DLG2: variants seen among roughly 807,000 people sequenced by gnomAD.
DLG2 encodes the protein disks large homolog 2.
DLG2 carries 45 observed loss-of-function variants against 132.5 expected under a neutral mutation model. The ratio of observed to expected loss-of-function variants is 0.34; its 90% confidence interval spans 0.27 to 0.44. The LOEUF (loss-of-function observed/expected upper bound fraction) is 0.44. Among genes scored for constraint, DLG2 ranks in the 20% least tolerant of loss-of-function variants. DLG2 has a pLI of 1.00. For synonymous variants in DLG2, 424 were observed against 419.6 expected (o/e 1.01, Z -0.13); for missense variants, 1,045 against 1,196.9 (o/e 0.87, Z 1.87).
chr11:84,999,070 C>A (rs2057967135), intron 6 of DLG2, among the ~76,000 whole-genome samples: 2 of 151,860 alleles, frequency 1.3e-5, no homozygotes, highest in South Asian at 4.1e-4. Flanking sequence ...ATCTTGGATT[C>A]ACTATACCTT....
intron 6 of DLG2, among the ~76,000 whole-genome samples, chr11:84,797,075 G>C (rs1012580954): frequency 6.6e-6 from 1 of 152,066 alleles, no homozygotes; most frequent in Non-Finnish European, 1.5e-5. Flanking sequence ...TAGCACTCCT[G>C]ACCTCAGGTG....
intron 4 of DLG2, among the ~76,000 whole-genome samples, chr11:85,277,172 GAAGATC>G (rs2077943500): frequency 6.6e-6 from 1 of 152,114 alleles, no homozygotes; most frequent in Admixed American, 6.6e-5. Context: ...TGTAAAAAAT[GAAGATC>G]AATAAATAGT....
chr11:83,850,151 TGTGTG>T (rs2059429663), intron 16 of DLG2, among the ~76,000 whole-genome samples: 1 of 134,298 alleles, frequency 7.4e-6, no homozygotes, highest in African/African-American at 3.3e-5. Flanking sequence ...TGTGTGTGTG[TGTGTG>T]TGTGTTTTTT....
At chr11:83,822,130 C>T (rs2051007012) in intron 17 of DLG2, among the ~76,000 whole-genome samples, 1 of 152,128 alleles carries the variant, frequency 6.6e-6, no homozygotes, top group Non-Finnish European at 1.5e-5. Flanking sequence ...CTGGTCTTAA[C>T]CAAATTATTT....
rs1382276172 is a variant in DLG2 at position 84,161,830 on chromosome 11, A to G, written c.624+1631T>C. Among the ~76,000 whole-genome samples the G allele has an allele frequency of 2.0e-5, 3 of 152,266 alleles. No homozygotes were observed. The East Asian group carries it at 5.8e-4, about 29-fold the overall frequency. ...ATAGCTTGTCTTGGAGAGAAACTTA[A>G]TGATTCAGGAGAAATGTGTTTTTTT... On this transcript the variant is annotated intron_variant, in intron 9 of 27. Coordinates refer to ENST00000376104, the MANE Select transcript of DLG2 (RefSeq NM_001142699.3).
chr11:84,350,794 T>G (rs754018971), intron 7 of DLG2, among the ~76,000 whole-genome samples: 1 of 152,228 alleles, frequency 6.6e-6, no homozygotes, highest in Non-Finnish European at 1.5e-5. Context: ...AAAATTTGGC[T>G]GAACAAATGG....
intron 6 of DLG2, among the ~76,000 whole-genome samples, chr11:85,008,286 T>C (rs2058872619): frequency 6.6e-6 from 1 of 152,156 alleles, no homozygotes; most frequent in Admixed American, 6.5e-5. Flanking sequence ...AATAAAAATA[T>C]GATATAATAA....
At chr11:84,452,374 T>C (rs191782539) in intron 7 of DLG2, among the ~76,000 whole-genome samples, 1 of 151,810 alleles carries the variant, frequency 6.6e-6, no homozygotes. Flanking sequence ...TGGCTTTTGC[T>C]ATGAATGAGA....
intron 3 of DLG2, among the ~76,000 whole-genome samples, chr11:85,375,934 G>A (rs1430095549): frequency 6.6e-6 from 1 of 152,114 alleles, no homozygotes; most frequent in African/African-American, 2.4e-5. Context: ...AGTAAACACA[G>A]GATGCCACAT....
chr11:84,558,135 T>A (rs546039740), intron 6 of DLG2, among the ~76,000 whole-genome samples: 2 of 152,318 alleles, frequency 1.3e-5, no homozygotes, highest in Non-Finnish European at 2.9e-5. Context: ...TATTCATTAA[T>A]ATTTATTCTA....
intron 18 of DLG2, among the ~76,000 whole-genome samples, chr11:83,710,285 C>T (rs1202266873): frequency 6.6e-6 from 1 of 152,010 alleles, no homozygotes; most frequent in African/African-American, 2.4e-5. Context: ...GCCTCAGCCT[C>T]CCAAGTAGCT....
At chr11:84,828,502 TAAAAG>T (rs1034750404) in intron 6 of DLG2, among the ~76,000 whole-genome samples, 2 of 151,662 alleles carry the variant, frequency 1.3e-5, no homozygotes, top group South Asian at 2.1e-4. Flanking sequence ...TAAGTAAAAA[TAAAAG>T]AAAAGAGCAC....
At chr11:83,890,100 T>C (rs2154084822) in intron 15 of DLG2, among the ~76,000 whole-genome samples, 1 of 151,914 alleles carries the variant, frequency 6.6e-6, no homozygotes, top group South Asian at 2.1e-4. Flanking sequence ...CCCTAAAACT[T>C]AAAGTACAAT....
intron 6 of DLG2, among the ~76,000 whole-genome samples, chr11:84,973,413 A>G (rs2054387423): frequency 6.6e-6 from 1 of 152,128 alleles, no homozygotes; most frequent in South Asian, 2.1e-4. Flanking sequence ...CGTGAAATGT[A>G]CCTTCTGGAG....
intron 7 of DLG2, among the ~76,000 whole-genome samples, chr11:84,477,926 T>A (rs527616789): frequency 6.6e-6 from 1 of 152,196 alleles, no homozygotes; most frequent in Admixed American, 6.6e-5. Context: ...CAATTTTATG[T>A]GTATTACATG....
intron 3 of DLG2, among the ~76,000 whole-genome samples, chr11:85,417,450 T>C (rs925099762): frequency 2.0e-5 from 3 of 152,222 alleles, no homozygotes; most frequent in African/African-American, 7.2e-5. Flanking sequence ...AGGATGATGC[T>C]GGCCTCATCA....
At chr11:84,694,212 G>C (rs1242968376) in intron 6 of DLG2, among the ~76,000 whole-genome samples, 1 of 151,552 alleles carries the variant, frequency 6.6e-6, no homozygotes, top group Non-Finnish European at 1.5e-5. Flanking sequence ...CTCAGCCATT[G>C]TGTCTTCTCA....
At chr11:84,679,298 A>G (rs1040327725) in intron 6 of DLG2, among the ~76,000 whole-genome samples, 1 of 152,096 alleles carries the variant, frequency 6.6e-6, no homozygotes, top group Non-Finnish European at 1.5e-5. Flanking sequence ...TCACGTTTCA[A>G]TGGAAACATG....
chr11:85,503,970 A>G (rs1013720858), intron 3 of DLG2, among the ~76,000 whole-genome samples: 2 of 152,116 alleles, frequency 1.3e-5, no homozygotes, highest in Non-Finnish European at 2.9e-5. Context: ...AGTGATGATG[A>G]GCATTTTGTC....
Sources: allele counts gnomAD v4.1 joint callset (sites outside exome capture counted in the v4.1 genomes callset), GRCh38; gene constraint gnomAD v4.1.1; transcripts MANE v1.5; gene names NCBI Gene and HGNC (gene_info 2026-07-23, HGNC 2026-07-21).